The following GALNT13 variants were observed in gnomAD, a reference collection of about 807,000 sequenced individuals.
GALNT13 encodes polypeptide N-acetylgalactosaminyltransferase 13, also known as UDP-GalNAc:polypeptide N-acetylgalactosaminyltransferase 13.
Under a neutral mutation model 64.2 loss-of-function variants are expected in GALNT13, and 28 were observed. The ratio of observed to expected loss-of-function variants is 0.44; its 90% CI spans 0.32 to 0.60. The LOEUF (loss-of-function observed/expected upper bound fraction) is 0.60. Among genes scored for constraint, GALNT13 ranks in the 20% least tolerant of loss-of-function variants. The probability of loss-of-function intolerance (pLI) is 0.05; values close to 1 mark genes in which losing one functional copy is unlikely to be tolerated. For missense variants in GALNT13, 577 were observed against 669.8 expected, an observed-to-expected ratio of 0.86 and a Z score of 1.53; for synonymous variants, 214 against 224.6, an observed-to-expected ratio of 0.95 and a Z score of 0.42.
At chr2:153,623,070 G>A in the GALNT13 span, among the ~76,000 whole-genome samples, 8 of 152,022 alleles carry the variant, frequency 5.3e-5, no homozygotes, top group Non-Finnish European at 1.0e-4. Flanking sequence ...TATTAATTCT[G>A]ATGCTTAGCT....
chr2:153,813,270 G>C, the GALNT13 span, among the ~76,000 whole-genome samples: 1 of 152,148 alleles, frequency 6.6e-6, no homozygotes, highest in Non-Finnish European at 1.5e-5. Context: ...TCTTGTTTAG[G>C]ATTCCCTGGG....
the GALNT13 span, among the ~76,000 whole-genome samples, chr2:153,552,881 G>T: frequency 5.9e-5 from 9 of 152,052 alleles, no homozygotes; most frequent in African/African-American, 2.2e-4. Flanking sequence ...TTCACAACAG[G>T]GTTCCCCCTC....
At chr2:153,298,593 T>C in the GALNT13 span, among the ~76,000 whole-genome samples, 200 of 152,316 alleles carry the variant, frequency 1.3e-3, 6 homozygotes, top group East Asian at 0.036. Context: ...CCCTGTTCTG[T>C]TAGGCACTCT....
At chr2:154,413,292 C>T (rs1209619100) in intron 11 of GALNT13, among the ~76,000 whole-genome samples, 1 of 151,804 alleles carries the variant, frequency 6.6e-6, no homozygotes, top group African/African-American at 2.4e-5. Context: ...TTCTGAAGTC[C>T]GATTAGTCAC....
the GALNT13 span, among the ~76,000 whole-genome samples, chr2:153,851,434 C>A: frequency 6.6e-6 from 1 of 151,892 alleles, no homozygotes; most frequent in African/African-American, 2.4e-5. Flanking sequence ...TAGAATTTTG[C>A]ATTTTCCTGT....
At chr2:153,899,937 T>TA (rs1688125597) in intron 1 of GALNT13, among the ~76,000 whole-genome samples, 193 of 93,686 alleles carry the variant, frequency 2.1e-3, no homozygotes, top group South Asian at 7.0e-3. Flanking sequence ...ATATATATAT[T>TA]TTTTTTTTTT....
At chr2:153,287,932 C>T in the GALNT13 span, among the ~76,000 whole-genome samples, 46 of 152,214 alleles carry the variant, frequency 3.0e-4, 1 homozygote, top group Non-Finnish European at 6.5e-4. Context: ...CTTTCTATAC[C>T]CAGCACTTCC....
chr2:153,628,327 T>A, the GALNT13 span, among the ~76,000 whole-genome samples: 1 of 152,020 alleles, frequency 6.6e-6, no homozygotes, highest in African/African-American at 2.4e-5. Flanking sequence ...CCTAATTGAA[T>A]ACCCTTTATT....
the GALNT13 span, among the ~76,000 whole-genome samples, chr2:153,324,258 T>A: frequency 6.6e-6 from 1 of 152,200 alleles, no homozygotes; most frequent in African/African-American, 2.4e-5. Context: ...TTGTAGCAAT[T>A]GTGAATGTGA....
intron 3 of GALNT13, among the ~76,000 whole-genome samples, chr2:154,116,071 A>C (rs1444533831): frequency 6.6e-6 from 1 of 152,152 alleles, no homozygotes; most frequent in Non-Finnish European, 1.5e-5. Flanking sequence ...GCCTCAGGGG[A>C]GGCCATGACT....
intron 9 of GALNT13, among the ~76,000 whole-genome samples, chr2:154,354,841 C>T (rs1696639977): frequency 6.6e-6 from 1 of 151,922 alleles, no homozygotes; most frequent in African/African-American, 2.4e-5. Context: ...ACCTTAGTTT[C>T]TCACAGCAGT....
intron 3 of GALNT13, among the ~76,000 whole-genome samples, chr2:153,971,845 C>G (rs2105128844): frequency 6.6e-6 from 1 of 152,044 alleles, no homozygotes; most frequent in Admixed American, 6.6e-5. Context: ...TCAACCTGGA[C>G]CCTCAGAATG....
intron 9 of GALNT13, among the ~76,000 whole-genome samples, chr2:154,372,138 ATTAGCCTT>A (rs1442039403): frequency 2.6e-5 from 4 of 152,142 alleles, no homozygotes; most frequent in Non-Finnish European, 5.9e-5. Context: ...TTCATAAAAA[ATTAGCCTT>A]TTCTCAGATT....
chr2:153,523,113 C>A, the GALNT13 span, among the ~76,000 whole-genome samples: 2 of 113,614 alleles, frequency 1.8e-5, no homozygotes, highest in African/African-American at 7.0e-5. Flanking sequence ...TGAAAAGATT[C>A]TCCTTTCAAT....
intron 9 of GALNT13, among the ~76,000 whole-genome samples, chr2:154,354,828 G>T (rs894030656): frequency 6.6e-6 from 1 of 151,574 alleles, no homozygotes; most frequent in Non-Finnish European, 1.5e-5. Flanking sequence ...ATTATAATTT[G>T]TAACCTTAGT....
chr2:153,558,134 CT>C, the GALNT13 span, among the ~76,000 whole-genome samples: 1 of 152,158 alleles, frequency 6.6e-6, no homozygotes, highest in Admixed American at 6.5e-5. Flanking sequence ...GAGTTTTCTG[CT>C]TTTGCTCAGA....
the GALNT13 span, among the ~76,000 whole-genome samples, chr2:153,261,267 G>A: frequency 6.6e-6 from 1 of 152,148 alleles, no homozygotes; most frequent in African/African-American, 2.4e-5. Context: ...GCTTATGGAT[G>A]TTTGGCAGTG....
chr2:154,424,299 G>T (rs543000837), intron 11 of GALNT13, among the ~76,000 whole-genome samples: 1 of 152,220 alleles, frequency 6.6e-6, no homozygotes, highest in East Asian at 1.9e-4. Flanking sequence ...TTCAAACACT[G>T]GCTCTCCCAC....
chr2:153,882,019 A>G (rs1348161751), intron 1 of GALNT13, among the ~76,000 whole-genome samples: 2 of 152,076 alleles, frequency 1.3e-5, no homozygotes, highest in African/African-American at 4.8e-5. Context: ...TTTTCAATAG[A>G]TGAGTATCCA....
Sources: allele counts gnomAD v4.1 joint callset (sites outside exome capture counted in the v4.1 genomes callset), GRCh38; gene constraint gnomAD v4.1.1; transcripts MANE v1.5; gene names NCBI Gene and HGNC (gene_info 2026-07-23, HGNC 2026-07-21).